Variants in GPR39 observed in about 807,000 individuals in gnomAD.
GPR39 encodes the protein G protein-coupled receptor 39, also known as zinc sensing receptor.
A neutral mutation model predicts 18.4 loss-of-function variants in GPR39; 23 were observed. The observed-to-expected ratio is 1.25, with a 90% confidence interval of 0.90 to 1.77. The LOEUF (loss-of-function observed/expected upper bound fraction) is 1.77, where lower values mean the gene tolerates loss of function less well. Ranked by LOEUF, GPR39 falls within the 40% of genes most tolerant of loss-of-function variation. GPR39 has a pLI of 0.00. For missense variants in GPR39, 647 were observed against 602.4 expected, an observed-to-expected ratio of 1.07 and a Z score of -0.78; for synonymous variants, 280 against 257.9, an observed-to-expected ratio of 1.09 and a Z score of -0.82.
chr2:132,645,059 T>C (rs1189191107), intron 1 of GPR39, 42 bp from the exon 2 acceptor site: 1 of 1,574,970 alleles, frequency 6.3e-7, no homozygotes, highest in Non-Finnish European at 8.6e-7. Flanking sequence ...CATGCTGTGT[T>C]TTTCTTTTCT....
At chr2:132,569,931 C>T (rs1414345530) in intron 1 of GPR39, among the ~76,000 whole-genome samples, 2 of 152,202 alleles carry the variant, frequency 1.3e-5, no homozygotes, top group Non-Finnish European at 2.9e-5. Context: ...TGTGAGGTCT[C>T]CCCAGCCACG....
At chr2:132,600,790 G>GT (rs1013720070) in intron 1 of GPR39, among the ~76,000 whole-genome samples, 4 of 151,400 alleles carry the variant, frequency 2.6e-5, no homozygotes, top group African/African-American at 9.7e-5. Context: ...TTTTGTTGTT[G>GT]TTTAAAAAAA....
At chr2:132,615,530 C>A (rs796696831) in intron 1 of GPR39, among the ~76,000 whole-genome samples, 15 of 152,240 alleles carry the variant, frequency 9.9e-5, no homozygotes, top group African/African-American at 3.6e-4. Context: ...TGTGTTAATG[C>A]CAGCTGACTT....
chr2:132,627,746 AAGG>A lies in GPR39; in HGVS notation c.857-17352_857-17350del, dbSNP rs139552532. On this transcript the variant is annotated intron_variant, in intron 1 of 1. Coordinates refer to ENST00000329321, the MANE Select transcript of GPR39 (RefSeq NM_001508.3). ...GTGTGAGTCATAAACATAAAGTTGA[AAGG>A]AGCCTCGGCCGTGGGGGAGGAGAAA... 5.6e-3 allele frequency among the ~76,000 whole-genome samples: 846 copies of A among 152,294 alleles called. 7 individuals are homozygous for A. Among genetic ancestry groups the A allele is most frequent in the Non-Finnish European group, 0.01 (708 of 68,030 alleles).
rs773634330 is a variant in GPR39 at position 132,492,089 on chromosome 2, C to CAT, written c.856+74201_856+74202dup. On this transcript the variant is annotated intron_variant, in intron 1 of 1. Coordinates refer to ENST00000329321, the MANE Select transcript of GPR39 (RefSeq NM_001508.3). ...ATACACCACATATATATACACACCACATATATATATACATACCATATATAT... is the reference window on the plus strand; with the variant it reads ...ATACACCACATATATATACACACCACATATATATATATACATACCATATATAT... Among the ~76,000 whole-genome samples the CAT allele has an allele frequency of 2.7e-4, 40 of 149,338 alleles. No individual in the cohort carries two copies. In the South Asian group the frequency reaches 5.5e-3, roughly 21 times the overall value.
chr2:132,572,995 G>T (rs1276732413), intron 1 of GPR39, among the ~76,000 whole-genome samples: 1 of 152,156 alleles, frequency 6.6e-6, no homozygotes, highest in Non-Finnish European at 1.5e-5. Flanking sequence ...AAAGAATGCT[G>T]ACCAGGCACA....
At position 132,492,464 on chromosome 2, in the gene GPR39, T is replaced by TACCATATATATAC. The variant is rs1265997845; in HGVS notation, c.856+74590_856+74602dup. 5.0e-5 allele frequency among the ~76,000 whole-genome samples: 7 copies of TACCATATATATAC among 140,150 alleles called. 1 individual carries two copies. Among genetic ancestry groups the TACCATATATATAC allele is most frequent in the African/African-American group, 1.9e-4 (7 of 36,904 alleles). The allele number at this position is 140,150 out of a possible 152,430, so 91.9% of individuals were successfully genotyped here. ...ATACACCATATATACACACCATATA[T>TACCATATATATAC]ACCATATATATACACCATATATATA... On this transcript the variant is annotated intron_variant, in intron 1 of 1. Transcript: ENST00000329321.
intron 1 of GPR39, among the ~76,000 whole-genome samples, chr2:132,447,417 A>G (rs1157301461): frequency 6.6e-6 from 1 of 152,174 alleles, no homozygotes; most frequent in Non-Finnish European, 1.5e-5. Flanking sequence ...AATTTTCTGA[A>G]TGCTTCATGT....
At chr2:132,596,387 C>T (rs1680949435) in intron 1 of GPR39, among the ~76,000 whole-genome samples, 1 of 152,004 alleles carries the variant, frequency 6.6e-6, no homozygotes, top group South Asian at 2.1e-4. Context: ...ATAGTAAGTG[C>T]TCAATAAATG....
At chr2:132,593,755 G>A (rs142184703) in intron 1 of GPR39, among the ~76,000 whole-genome samples, 280 of 152,210 alleles carry the variant, frequency 1.8e-3, no homozygotes, top group Middle Eastern at 0.01. Flanking sequence ...TTCAGGGACA[G>A]GTCCTGGTTG....
intron 1 of GPR39, among the ~76,000 whole-genome samples, chr2:132,521,144 G>A (rs1406123986): frequency 1.3e-5 from 2 of 152,122 alleles, no homozygotes; most frequent in Admixed American, 6.5e-5. Context: ...AGGATGAAGG[G>A]TCCAAGGCAA....
At chr2:132,440,405 C>T (rs993043526) in intron 1 of GPR39, among the ~76,000 whole-genome samples, 1 of 152,142 alleles carries the variant, frequency 6.6e-6, no homozygotes, top group Non-Finnish European at 1.5e-5. Context: ...CTGCTGGGTT[C>T]CAATCCCAGT....
chr2:132,601,360 A>AC (rs780966686), intron 1 of GPR39, among the ~76,000 whole-genome samples: 1 of 152,224 alleles, frequency 6.6e-6, no homozygotes, highest in Non-Finnish European at 1.5e-5. Flanking sequence ...AAGGATAAAA[A>AC]CCACATGGTC....
At chr2:132,522,486 T>C (rs1440122945) in intron 1 of GPR39, among the ~76,000 whole-genome samples, 6 of 152,242 alleles carry the variant, frequency 3.9e-5, no homozygotes, top group Non-Finnish European at 5.9e-5. Flanking sequence ...CATTGTTCTT[T>C]GTTGCTTTAA....
chr2:132,533,575 C>A (rs1419152391), intron 1 of GPR39, among the ~76,000 whole-genome samples: 4 of 151,830 alleles, frequency 2.6e-5, no homozygotes, highest in Admixed American at 6.6e-5. Context: ...TGGAGGCATC[C>A]CACTACCTGA....
intron 1 of GPR39, among the ~76,000 whole-genome samples, chr2:132,583,706 C>T (rs1680669987): frequency 6.6e-6 from 1 of 151,532 alleles, no homozygotes; most frequent in South Asian, 2.1e-4. Context: ...TCTGAGGCCT[C>T]AGGAAGATTT....
intron 1 of GPR39, among the ~76,000 whole-genome samples, chr2:132,542,569 T>C (rs1219724886): frequency 6.6e-6 from 1 of 152,194 alleles, no homozygotes; most frequent in Non-Finnish European, 1.5e-5. Flanking sequence ...GGAGGAAATA[T>C]GTGCATGGAA....
Position 132,416,931 on chromosome 2 carries a change from T to TA in GPR39, c.-108dup. ...CTTCGCGAGGAGAACTCGAGTGAGATAAAATCGTGCGCCCACGCAGGTGAG... is the reference window on the plus strand; with the variant it reads ...CTTCGCGAGGAGAACTCGAGTGAGATAAAAATCGTGCGCCCACGCAGGTGAG... On this transcript the variant is annotated 5_prime_UTR_variant, in exon 1 of 2. It introduces an in-frame stop codon into an upstream open reading frame of the 5' UTR. Coordinates refer to ENST00000329321, the MANE Select transcript of GPR39 (RefSeq NM_001508.3). 1 of 1,338,276 alleles carries TA rather than the reference T, an allele frequency of 7.5e-7. No homozygotes were observed. Among genetic ancestry groups the TA allele is most frequent in the Admixed American group, 2.1e-5 (1 of 46,726 alleles). 82.9% of individuals were successfully genotyped at this position (1,338,276 alleles called of 1,614,324 possible).
At chr2:132,474,537 A>G (rs138132539) in intron 1 of GPR39, among the ~76,000 whole-genome samples, 2 of 152,334 alleles carry the variant, frequency 1.3e-5, no homozygotes, top group African/African-American at 4.8e-5. Flanking sequence ...GACAACCTTC[A>G]GCTCACCAGC....
Sources: gnomAD v4.1 joint callset for allele counts (sites outside exome capture counted in the v4.1 genomes callset) on GRCh38, gnomAD v4.1.1 for gene constraint, MANE v1.5 for transcripts, NCBI Gene and HGNC (gene_info 2026-07-23, HGNC 2026-07-21) for gene names.